Variants in SLC28A3 observed in about 807,000 individuals in gnomAD.
SLC28A3 encodes the protein concentrative Na(+)-nucleoside cotransporter 3.
Under a neutral mutation model 84.2 loss-of-function variants are expected in SLC28A3, and 68 were observed. The observed-to-expected ratio is 0.81, with a 90% CI of 0.66 to 0.99. The LOEUF is 0.99. Among genes scored for constraint, SLC28A3 ranks in the 50% least tolerant of loss-of-function variants. The probability of loss-of-function intolerance (pLI) is 0.00; values close to 1 mark genes in which losing one functional copy is unlikely to be tolerated. For missense variants in SLC28A3, 712 were observed against 841.5 expected, an observed-to-expected ratio of 0.85 and a Z score of 1.90; for synonymous variants, 267 against 303.6, an observed-to-expected ratio of 0.88 and a Z score of 1.25.
intron 17 of SLC28A3, 126 bp from the exon 18 acceptor site, chr9:84,278,470 G>T: frequency 2.4e-6 from 3 of 1,257,534 alleles, no homozygotes; most frequent in Non-Finnish European, 2.2e-6. Context: ...TCTGGTTAGG[G>T]TGGATTAAAG....
intron 1 of SLC28A3, among the ~76,000 whole-genome samples, chr9:84,335,404 C>T (rs1465843370): frequency 2.6e-5 from 4 of 152,084 alleles, no homozygotes; most frequent in Admixed American, 6.6e-5. Flanking sequence ...AAAACTTAGC[C>T]AGTTGTGGTA....
upstream of SLC28A3, among the ~76,000 whole-genome samples, chr9:84,342,469 A>G (rs1251865655): frequency 6.6e-6 from 1 of 151,876 alleles, no homozygotes; most frequent in East Asian, 1.9e-4. Context: ...CCCAGGCTGG[A>G]GTGCATGATC....
At chr9:84,328,178 C>CACACACAG (rs1281257529) in intron 1 of SLC28A3, among the ~76,000 whole-genome samples, 2 of 151,390 alleles carry the variant, frequency 1.3e-5, no homozygotes, top group African/African-American at 4.9e-5. Flanking sequence ...CACACACACA[C>CACACACAG]ACACACACAC....
chr9:84,364,150 C>T, the SLC28A3 span, among the ~76,000 whole-genome samples: 4 of 117,266 alleles, frequency 3.4e-5, no homozygotes, highest in Non-Finnish European at 6.6e-5. Context: ...TTTGAGATGG[C>T]GTCTTGCTCT....
chr9:84,363,364 T>A, the SLC28A3 span, among the ~76,000 whole-genome samples: 8 of 152,190 alleles, frequency 5.3e-5, no homozygotes, highest in Admixed American at 5.2e-4. Context: ...GAATCAAGGA[T>A]CTGTATTCTT....
At position 84,313,302 on chromosome 9, in the gene SLC28A3, G is replaced by A. The variant is rs536117713; in HGVS notation, c.156+57C>T. Reference sequence around the variant, plus strand: ...CTTTCTGTGCCCACTGTTCTCAGGTGCCTGTTGCGCAGCGGCTGCCATGGT... The same window carrying A: ...CTTTCTGTGCCCACTGTTCTCAGGTACCTGTTGCGCAGCGGCTGCCATGGT... On this transcript the variant is annotated intron_variant, in intron 2 of 17. Coordinates refer to ENST00000376238, the MANE Select transcript of SLC28A3 (RefSeq NM_001199633.2). The A allele has an allele frequency of 2.7e-6, 4 of 1,473,952 alleles. No individual in the cohort carries two copies. The Admixed American group carries it at 7.2e-5, about 27-fold the overall frequency. The allele number at this position is 1,473,952 out of a possible 1,614,324, so 91.3% of individuals were successfully genotyped here.
Position 84,276,250 on chromosome 9 carries a change from A to T in SLC28A3, c.*1968T>A, listed in dbSNP as rs1179340450. On this transcript the variant is annotated 3_prime_UTR_variant, in exon 18 of 18. Transcript: ENST00000376238. ...CAACTGAGATATGCAAACCAGACAG[A>T]CTTAGTTTCATAAGAATGAAAAATA... 1 of 152,150 alleles carries T rather than the reference A, an allele frequency of 6.6e-6. No individual in the cohort carries two copies. Among genetic ancestry groups the T allele is most frequent in the African/African-American group, 2.4e-5 (1 of 41,438 alleles). The allele number at this position is 152,150 out of a possible 1,614,324, so 9.4% of individuals were successfully genotyped here.
At chr9:84,354,213 T>A in the SLC28A3 span, among the ~76,000 whole-genome samples, 2 of 152,358 alleles carry the variant, frequency 1.3e-5, no homozygotes, top group African/African-American at 4.8e-5. Flanking sequence ...TCAGCGAGGC[T>A]GTCCCAGGCC....
At chr9:84,307,468 G>A (rs961171499) in intron 3 of SLC28A3, among the ~76,000 whole-genome samples, 1 of 142,496 alleles carries the variant, frequency 7.0e-6, no homozygotes, top group Non-Finnish European at 1.5e-5. Flanking sequence ...CAAAAAGAAA[G>A]AATAAAAATA....
At chr9:84,354,711 G>A in the SLC28A3 span, among the ~76,000 whole-genome samples, 1 of 152,046 alleles carries the variant, frequency 6.6e-6, no homozygotes, top group Non-Finnish European at 1.5e-5. Flanking sequence ...AGCTGGTATG[G>A]TGGCGTGTGC....
chr9:84,362,415 T>C, the SLC28A3 span, among the ~76,000 whole-genome samples: 1 of 152,118 alleles, frequency 6.6e-6, no homozygotes, highest in Admixed American at 6.6e-5. Context: ...GCAGATTGCC[T>C]GAGGTAAGGG....
upstream of SLC28A3, among the ~76,000 whole-genome samples, chr9:84,344,129 T>C (rs28416437): frequency 0.052 from 7,901 of 151,312 alleles, 429 homozygotes; most frequent in East Asian, 0.17. Flanking sequence ...GCCCAAATTA[T>C]GATCTAAGGG....
At chr9:84,326,669 CAA>C (rs1826565149) in intron 1 of SLC28A3, among the ~76,000 whole-genome samples, 7 of 151,624 alleles carry the variant, frequency 4.6e-5, no homozygotes, top group Non-Finnish European at 1.0e-4. Flanking sequence ...ACAACAACAA[CAA>C]CAACAACAAC....
At position 84,297,935 on chromosome 9, in the gene SLC28A3, C is replaced by G. The variant is rs1212052579; in HGVS notation, c.754G>C (p.Ala252Pro). The change falls in exon 7 of 18, where the codon GCT becomes CCT. Residue 252 changes from alanine (A) to proline (P), a missense_variant. Physicochemically the swap from Ala to Pro is conservative, Grantham distance 27. Transcript: ENST00000376238. ...ACTTGTCTGCCCAACCAATCAAAAGCTATAAATCCAGGGTCAGTCCTTAGA... is the reference window on the plus strand; with the variant it reads ...ACTTGTCTGCCCAACCAATCAAAAGGTATAAATCCAGGGTCAGTCCTTAGA... ...LILRTDPGFIAFDWLGRQVQT... is the reference protein window; with the variant it reads ...LILRTDPGFIPFDWLGRQVQT... 1 of 1,608,240 alleles carries G rather than the reference C, an allele frequency of 6.2e-7. No homozygotes were observed. The highest frequency in any genetic ancestry group is 8.5e-7 in the Non-Finnish European group (1 of 1,178,888).
At chr9:84,365,497 T>G in the SLC28A3 span, among the ~76,000 whole-genome samples, 1 of 152,224 alleles carries the variant, frequency 6.6e-6, no homozygotes, top group Non-Finnish European at 1.5e-5. Context: ...AAGTTTTTTT[T>G]AAGTTGATAT....
Position 84,297,914 on chromosome 9 carries a change from G to A in SLC28A3, c.775C>T (p.Gln259Ter). Residue 259 changes from glutamine (Q) to a stop codon, truncating the protein, a stop_gained, in exon 7 of 18, where the codon CAA becomes TAA. Coordinates refer to ENST00000376238, the MANE Select transcript of SLC28A3 (RefSeq NM_001199633.2). LOFTEE classifies it high-confidence loss of function. ...TTTTGAACCAAACTTACCTGAACTT[G>A]TCTGCCCAACCAATCAAAAGCTATA... ...GFIAFDWLGR[Q>*]VQTFLEYTDA... 1 of 1,601,024 alleles carries A rather than the reference G, an allele frequency of 6.2e-7. No homozygotes were observed. Among genetic ancestry groups the A allele is most frequent in the Non-Finnish European group, 8.5e-7 (1 of 1,177,252 alleles).
intron 1 of SLC28A3, among the ~76,000 whole-genome samples, chr9:84,337,911 C>G (rs1827038059): frequency 6.6e-6 from 1 of 152,178 alleles, no homozygotes; most frequent in African/African-American, 2.4e-5. Flanking sequence ...CTCTTATAAC[C>G]CATATCACTG....
intron 1 of SLC28A3, among the ~76,000 whole-genome samples, chr9:84,320,473 C>T (rs1826338112): frequency 6.6e-6 from 1 of 152,108 alleles, no homozygotes; most frequent in Non-Finnish European, 1.5e-5. Flanking sequence ...ATGATCTGTC[C>T]CTGACTTTTG....
At chr9:84,321,104 G>A (rs2118499255) in intron 1 of SLC28A3, among the ~76,000 whole-genome samples, 1 of 152,270 alleles carries the variant, frequency 6.6e-6, no homozygotes, top group South Asian at 2.1e-4. Context: ...AGTCCACTGT[G>A]TTTGAAGTTC....
Sources: gnomAD v4.1 joint callset for allele counts (sites outside exome capture counted in the v4.1 genomes callset) on GRCh38, gnomAD v4.1.1 for gene constraint, MANE v1.5 for transcripts, NCBI Gene and HGNC (gene_info 2026-07-23, HGNC 2026-07-21) for gene names.